Variants in ZDHHC17 observed in about 807,000 individuals in gnomAD.
The protein encoded by ZDHHC17 is palmitoyltransferase ZDHHC17.
ZDHHC17 carries 40 observed loss-of-function variants against 90.3 expected under a neutral mutation model. That is an observed-to-expected ratio of 0.44 (90% CI 0.34 to 0.58). ZDHHC17 has a LOEUF of 0.58. Ranked by LOEUF, ZDHHC17 falls within the 20% of genes least tolerant of loss-of-function variation. The pLI, the probability that ZDHHC17 is intolerant of heterozygous loss-of-function variation, is 0.01. For missense variants in ZDHHC17, 614 were observed against 780.8 expected (o/e 0.79, Z 2.55); for synonymous variants, 235 against 252.4 (o/e 0.93, Z 0.65).
chr12:76,766,662 C>T (rs747380196), intron 1 of ZDHHC17, among the ~76,000 whole-genome samples: 14 of 152,014 alleles, frequency 9.2e-5, no homozygotes, highest in African/African-American at 1.2e-4. Flanking sequence ...TCTGGAAATT[C>T]GGTAACTAGC....
At chr12:76,832,909 G>GT (rs1565800793) in intron 10 of ZDHHC17, among the ~76,000 whole-genome samples, 2 of 152,276 alleles carry the variant, frequency 1.3e-5, no homozygotes, top group Non-Finnish European at 2.9e-5. Flanking sequence ...ATTTTTCACT[G>GT]TTTTGTTCAT....
chr12:76,843,752 T>G (rs1953462620), intron 12 of ZDHHC17, among the ~76,000 whole-genome samples: 1 of 152,148 alleles, frequency 6.6e-6, no homozygotes, highest in Non-Finnish European at 1.5e-5. Flanking sequence ...TACATAAAAC[T>G]AAATGCTCTT....
intron 3 of ZDHHC17, among the ~76,000 whole-genome samples, chr12:76,806,868 G>A (rs1315899745): frequency 2.0e-5 from 3 of 152,190 alleles, no homozygotes; most frequent in African/African-American, 7.2e-5. Context: ...TGCAACACAC[G>A]GAGTGTAGAG....
intron 10 of ZDHHC17, among the ~76,000 whole-genome samples, chr12:76,833,068 A>G (rs1323190213): frequency 1.3e-5 from 2 of 152,194 alleles, no homozygotes; most frequent in African/African-American, 2.4e-5. Context: ...AAGTTACTTA[A>G]TAAGTTTTTA....
intron 1 of ZDHHC17, among the ~76,000 whole-genome samples, chr12:76,793,804 T>C (rs951795638): frequency 6.6e-6 from 1 of 152,246 alleles, no homozygotes; most frequent in Non-Finnish European, 1.5e-5. Context: ...ATACATATTT[T>C]TAAATTAGTA....
chr12:76,789,769 T>G (rs1043395378), intron 1 of ZDHHC17, among the ~76,000 whole-genome samples: 1 of 152,126 alleles, frequency 6.6e-6, no homozygotes, highest in Non-Finnish European at 1.5e-5. Flanking sequence ...AACTTGAGTC[T>G]AGTAATGAGA....
intron 12 of ZDHHC17, among the ~76,000 whole-genome samples, chr12:76,843,273 C>T (rs1415002125): frequency 6.6e-6 from 1 of 152,072 alleles, no homozygotes; most frequent in African/African-American, 2.4e-5. Flanking sequence ...TAAAGTATTT[C>T]AGATCAAAGA....
intron 1 of ZDHHC17, among the ~76,000 whole-genome samples, chr12:76,771,262 A>G (rs965197178): frequency 3.3e-5 from 5 of 152,216 alleles, no homozygotes; most frequent in African/African-American, 1.2e-4. Flanking sequence ...GCTAATTTGA[A>G]AGTACAGTGA....
chr12:76,772,624 TC>T (rs35147821), intron 1 of ZDHHC17, among the ~76,000 whole-genome samples: 60,320 of 148,590 alleles, frequency 0.41, 12,513 homozygotes, highest in East Asian at 0.65. Flanking sequence ...AACCTCTGCC[TC>T]CCAGGTTCAA....
intron 1 of ZDHHC17, among the ~76,000 whole-genome samples, chr12:76,795,283 G>A (rs775048292): frequency 3.9e-5 from 6 of 151,954 alleles, no homozygotes; most frequent in South Asian, 2.1e-4. Context: ...CCATTAAAAC[G>A]TTGTTGTTTT....
In ZDHHC17 at chr12:76,853,031, A is replaced by G. The variant is rs764267757; in HGVS notation, c.*2046A>G. On this transcript the variant is annotated 3_prime_UTR_variant, in exon 17 of 17. Coordinates refer to ENST00000426126, the MANE Select transcript of ZDHHC17 (RefSeq NM_015336.4). ...ACATTTTTATCAACAGTTAAAGACTATGGTGGTTTTTTCAGAGTTTGGCTA... is the reference window on the plus strand; with the variant it reads ...ACATTTTTATCAACAGTTAAAGACTGTGGTGGTTTTTTCAGAGTTTGGCTA... The G allele has an allele frequency of 1.1e-4, 17 of 152,290 alleles. No homozygotes were observed. Among genetic ancestry groups the G allele is most frequent in the Non-Finnish European group, 1.6e-4 (11 of 67,998 alleles). 9.4% of individuals were successfully genotyped at this position (152,290 alleles called of 1,614,324 possible). A position where few individuals can be genotyped will look rare whatever the true frequency, so the allele number is the denominator to read the frequency against.
rs558520126 is a variant in ZDHHC17, at chr12:76,789,312, C to T, written c.94-8122C>T. ...TATTTGTGCTAGGCTCTGTCCTAAGCACTGGACATACACAAATGATTAAGA... is the reference window on the plus strand; with the variant it reads ...TATTTGTGCTAGGCTCTGTCCTAAGTACTGGACATACACAAATGATTAAGA... On this transcript the variant is annotated intron_variant, in intron 1 of 16. Transcript: ENST00000426126. 1.6e-3 allele frequency among the ~76,000 whole-genome samples: 251 copies of T among 152,262 alleles called. 1 individual carries two copies. The highest frequency in any genetic ancestry group is 5.8e-3 in the African/African-American group (243 of 41,550).
intron 7 of ZDHHC17, chr12:76,821,305 C>T (rs1274140527): frequency 4.8e-5 from 11 of 230,490 alleles, no homozygotes; most frequent in Non-Finnish European, 5.6e-5. Flanking sequence ...TTATTAAATA[C>T]CATTGATCTT....
At chr12:76,786,536 ATGAGTCACTGTGCC>A (rs1306640429) in intron 1 of ZDHHC17, among the ~76,000 whole-genome samples, 1 of 152,120 alleles carries the variant, frequency 6.6e-6, no homozygotes, top group Admixed American at 6.5e-5. Flanking sequence ...GATTACAGGC[ATGAGTCACTGTGCC>A]TGGCCTTTTT....
intron 1 of ZDHHC17, chr12:76,781,521 G>A (rs1351636638): frequency 9.3e-6 from 4 of 431,752 alleles, no homozygotes; most frequent in African/African-American, 2.0e-5. Context: ...TCAAGAGAGT[G>A]AGTTTGTTAC....
chr12:76,813,342 G>A (rs1396437931), intron 5 of ZDHHC17: 1 of 450,174 alleles, frequency 2.2e-6, no homozygotes, highest in Non-Finnish European at 4.5e-6. Context: ...CTTGCATATT[G>A]GAAATGTTGA....
Position 76,805,309 on chromosome 12 carries a change from T to C in ZDHHC17, c.198-8T>C. 6.3e-7 allele frequency: 1 copy of C among 1,586,514 alleles called. No homozygotes were observed. The highest frequency in any genetic ancestry group is 2.3e-5 in the East Asian group (1 of 43,852). ...TAATAACAATGCCATATTTTCTTTCTTTTCTAGATATGGAATATATGAACG... is the reference window on the plus strand; with the variant it reads ...TAATAACAATGCCATATTTTCTTTCCTTTCTAGATATGGAATATATGAACG... On this transcript the variant is annotated splice_polypyrimidine_tract_variant and splice_region_variant and intron_variant, in intron 2 of 16. Coordinates refer to ENST00000426126, the MANE Select transcript of ZDHHC17 (RefSeq NM_015336.4).
chr12:76,824,260 C>T (rs960704397), intron 8 of ZDHHC17, among the ~76,000 whole-genome samples: 1 of 151,768 alleles, frequency 6.6e-6, no homozygotes, highest in Non-Finnish European at 1.5e-5. Context: ...CATTTGTATA[C>T]GATTGTGGTC....
chr12:76,787,973 G>A (rs889100476), intron 1 of ZDHHC17, among the ~76,000 whole-genome samples: 1 of 152,178 alleles, frequency 6.6e-6, no homozygotes, highest in Non-Finnish European at 1.5e-5. Flanking sequence ...CTACTCAGGA[G>A]GCTGAGACAG....
Sources: gnomAD v4.1 joint callset for allele counts (sites outside exome capture counted in the v4.1 genomes callset) on GRCh38, gnomAD v4.1.1 for gene constraint, MANE v1.5 for transcripts, NCBI Gene and HGNC (gene_info 2026-07-23, HGNC 2026-07-21) for gene names.